Variants in CTNNA2 observed in about 807,000 individuals in gnomAD.
CTNNA2 encodes catenin alpha-2.
Under a neutral mutation model 101.0 loss-of-function variants are expected in CTNNA2, and 42 were observed. The observed-to-expected ratio is 0.42, with a 90% CI of 0.32 to 0.54. The LOEUF (loss-of-function observed/expected upper bound fraction) is 0.54. CTNNA2 is among the 20% of genes least tolerant of loss of function. The probability of loss-of-function intolerance (pLI) is 0.14; values close to 1 mark genes in which losing one functional copy is unlikely to be tolerated. For missense variants in CTNNA2, 871 were observed against 1,223.1 expected (o/e 0.71, Z 4.29); for synonymous variants, 450 against 456.4 (o/e 0.99, Z 0.18).
chr2:79,585,957 G>T (rs1676460007), intron 1 of CTNNA2, among the ~76,000 whole-genome samples: 1 of 152,010 alleles, frequency 6.6e-6, no homozygotes, highest in African/African-American at 2.4e-5. Flanking sequence ...GAGTGGGAAG[G>T]GTAAGCATTC....
intron 4 of CTNNA2, among the ~76,000 whole-genome samples, chr2:79,461,237 C>G (rs569295931): frequency 6.6e-6 from 1 of 152,336 alleles, no homozygotes; most frequent in South Asian, 2.1e-4. Flanking sequence ...TGAAACTTGT[C>G]TGTATCATTT....
chr2:79,827,143 A>AT (rs1204427543), intron 3 of CTNNA2, among the ~76,000 whole-genome samples: 1 of 152,038 alleles, frequency 6.6e-6, no homozygotes, highest in African/African-American at 2.4e-5. Flanking sequence ...GGTTCAAGTG[A>AT]TTCTTATGCC....
intron 7 of CTNNA2, among the ~76,000 whole-genome samples, chr2:80,009,467 G>A (rs1693611471): frequency 6.6e-6 from 1 of 152,180 alleles, no homozygotes; most frequent in African/African-American, 2.4e-5. Flanking sequence ...GCTGCCTGAA[G>A]ACTCAACTGT....
intron 3 of CTNNA2, among the ~76,000 whole-genome samples, chr2:79,366,250 ATAAAT>A (rs1677748532): frequency 6.6e-6 from 1 of 152,214 alleles, no homozygotes; most frequent in African/African-American, 2.4e-5. Flanking sequence ...ACAAAAATAA[ATAAAT>A]AAAGGCAGAT....
chr2:79,515,542 G>A (rs1417068147), intron 1 of CTNNA2, among the ~76,000 whole-genome samples: 2 of 152,136 alleles, frequency 1.3e-5, no homozygotes, highest in African/African-American at 4.8e-5. Context: ...TAGAAACACA[G>A]GTACTTTTCA....
chr2:79,726,250 GTA>G (rs752927225), intron 2 of CTNNA2, among the ~76,000 whole-genome samples: 226 of 152,218 alleles, frequency 1.5e-3, no homozygotes, highest in Non-Finnish European at 2.5e-3. Context: ...GAATGTATGT[GTA>G]TATATAATAT....
At chr2:79,671,664 G>T in intron 2 of CTNNA2, among the ~76,000 whole-genome samples, 1 of 152,154 alleles carries the variant, frequency 6.6e-6, no homozygotes, top group East Asian at 1.9e-4. Context: ...CTTACTGCTC[G>T]GCAAATAGTA....
chr2:79,965,768 G>A (rs1214427916), intron 7 of CTNNA2, among the ~76,000 whole-genome samples: 1 of 138,222 alleles, frequency 7.2e-6, no homozygotes, highest in Non-Finnish European at 1.5e-5. Context: ...AGGTTGCAGT[G>A]AGACAAGATG....
chr2:79,796,615 C>T (rs1159431761), intron 3 of CTNNA2, among the ~76,000 whole-genome samples: 1 of 152,160 alleles, frequency 6.6e-6, no homozygotes, highest in African/African-American at 2.4e-5. Flanking sequence ...CATCTCTGCC[C>T]ATCAGATGGA....
intron 18 of CTNNA2, among the ~76,000 whole-genome samples, chr2:80,634,672 C>G (rs1672679607): frequency 6.6e-6 from 1 of 151,998 alleles, no homozygotes; most frequent in Non-Finnish European, 1.5e-5. Context: ...AGCAAGGAAA[C>G]TAGTTAGGGG....
At chr2:80,184,079 A>G (rs1164088463) in intron 7 of CTNNA2, among the ~76,000 whole-genome samples, 1 of 152,120 alleles carries the variant, frequency 6.6e-6, no homozygotes, top group East Asian at 1.9e-4. Flanking sequence ...TAATAATAAT[A>G]ATAATAACCA....
intron 18 of CTNNA2, among the ~76,000 whole-genome samples, chr2:80,639,965 G>C: frequency 6.6e-6 from 1 of 152,032 alleles, no homozygotes; most frequent in East Asian, 1.9e-4. Context: ...AGCCAGGCGT[G>C]GTGGCACACA....
intron 1 of CTNNA2, among the ~76,000 whole-genome samples, chr2:79,609,868 A>T (rs2104182105): frequency 6.6e-6 from 1 of 152,266 alleles, no homozygotes; most frequent in Non-Finnish European, 1.5e-5. Context: ...ATAGGAGAAA[A>T]TGTTTGTGAC....
intron 2 of CTNNA2, among the ~76,000 whole-genome samples, chr2:79,244,592 T>A (rs1408064694): frequency 1.3e-5 from 2 of 152,204 alleles, no homozygotes; most frequent in African/African-American, 4.8e-5. Flanking sequence ...AAGACAGGCA[T>A]GGGCATTCAC....
intron 6 of CTNNA2, among the ~76,000 whole-genome samples, chr2:79,901,094 A>G (rs778376357): frequency 6.6e-6 from 1 of 152,226 alleles, no homozygotes; most frequent in Non-Finnish European, 1.5e-5. Context: ...AAATATACCT[A>G]CATTTAAACA....
intron 6 of CTNNA2, among the ~76,000 whole-genome samples, chr2:79,893,990 TTTCTTCTTCTTC>T (rs60336887): frequency 0.036 from 4,180 of 114,836 alleles, 114 homozygotes; most frequent in Middle Eastern, 0.067. Flanking sequence ...CTTAGGCTGT[TTTCTTCTTCTTC>T]TTCTTCTTCT....
At chr2:80,278,255 C>T (rs1674081342) in intron 7 of CTNNA2, among the ~76,000 whole-genome samples, 1 of 152,116 alleles carries the variant, frequency 6.6e-6, no homozygotes, top group South Asian at 2.1e-4. Context: ...GGGACCGTGT[C>T]TGTTAGATTT....
intron 6 of CTNNA2, among the ~76,000 whole-genome samples, chr2:79,875,173 G>T (rs1049345320): frequency 1.3e-5 from 2 of 152,116 alleles, no homozygotes; most frequent in Non-Finnish European, 2.9e-5. Context: ...AAGGAGGATT[G>T]TTCACTGTGC....
intron 9 of CTNNA2, among the ~76,000 whole-genome samples, chr2:80,508,813 C>T (rs1404870116): frequency 6.6e-6 from 1 of 152,150 alleles, no homozygotes; most frequent in Non-Finnish European, 1.5e-5. Context: ...TTCTTTCCTA[C>T]TATTTCTGGC....
Sources: gnomAD v4.1 joint callset for allele counts (sites outside exome capture counted in the v4.1 genomes callset) on GRCh38, gnomAD v4.1.1 for gene constraint, MANE v1.5 for transcripts, NCBI Gene and HGNC (gene_info 2026-07-23, HGNC 2026-07-21) for gene names.